SYNE1: variants seen among roughly 807,000 people sequenced by gnomAD.
SYNE1 encodes the protein spectrin repeat containing nuclear envelope protein 1.
In SYNE1, 616 loss-of-function variants were observed where a neutral mutation model predicts 1,111.0. The observed-to-expected ratio is 0.55, with a 90% CI of 0.52 to 0.59. The LOEUF (loss-of-function observed/expected upper bound fraction) is 0.59, where lower values mean the gene tolerates loss of function less well. Among genes scored for constraint, SYNE1 ranks in the 20% least tolerant of loss-of-function variants. The pLI, the probability that SYNE1 is intolerant of heterozygous loss-of-function variation, is 0.00. For synonymous variants in SYNE1, 3,855 were observed against 3,825.8 expected (o/e 1.01, Z -0.28); for missense variants, 10,006 against 10,417.0 (o/e 0.96, Z 1.72).
chr6:152,628,044 C>CAAAAAAAAAAAAAA lies in SYNE1; in HGVS notation c.67+207_67+220dup, dbSNP rs66815986. Among the ~76,000 whole-genome samples the CAAAAAAAAAAAAAA allele has an allele frequency of 3.3e-4, 34 of 103,328 alleles. 1 individual carries two copies. The highest frequency in any genetic ancestry group is 6.2e-4 in the East Asian group (2 of 3,248). 67.8% of individuals were successfully genotyped at this position (103,328 alleles called of 152,430 possible). A position where few individuals can be genotyped will look rare whatever the true frequency, so the allele number is the denominator to read the frequency against. On this transcript the variant is annotated intron_variant, in intron 3 of 145. Transcript: ENST00000367255. ...ACATGCTAATGCAGACACAAAATTACAAAAAAAAAAAAAAAAGCTGTATTT... is the reference window on the plus strand; with the variant it reads ...ACATGCTAATGCAGACACAAAATTACAAAAAAAAAAAAAAAAAAAAAAAAAAAAAAGCTGTATTT...
chr6:152,631,897 C>T (rs1290203692), intron 2 of SYNE1, among the ~76,000 whole-genome samples: 1 of 152,128 alleles, frequency 6.6e-6, no homozygotes, highest in Non-Finnish European at 1.5e-5. Context: ...TGGAACAACT[C>T]AGGAGCAATT....
At chr6:152,375,587 A>G (rs1312891243) in intron 58 of SYNE1, among the ~76,000 whole-genome samples, 3 of 152,234 alleles carry the variant, frequency 2.0e-5, no homozygotes, top group Non-Finnish European at 4.4e-5. Context: ...TAGGTTAAAA[A>G]AAAAGACTAG....
chr6:152,408,746 G>C (rs138263452), intron 44 of SYNE1, among the ~76,000 whole-genome samples: 7 of 152,272 alleles, frequency 4.6e-5, no homozygotes, highest in Admixed American at 4.6e-4. Context: ...CTGAGATCAG[G>C]AGTTCGAGAC....
At chr6:152,571,190 A>C (rs1472874186) in intron 3 of SYNE1, among the ~76,000 whole-genome samples, 1 of 152,204 alleles carries the variant, frequency 6.6e-6, no homozygotes, top group Non-Finnish European at 1.5e-5. Context: ...GGTTTCTTTT[A>C]ACCCAATGGA....
intron 119 of SYNE1, among the ~76,000 whole-genome samples, chr6:152,220,177 T>C (rs1245325712): frequency 1.3e-5 from 2 of 152,234 alleles, no homozygotes; most frequent in Non-Finnish European, 2.9e-5. Context: ...TTACATAGTT[T>C]TTATAGCTTG....
chr6:152,238,864 T>A (rs1012477255), intron 108 of SYNE1, among the ~76,000 whole-genome samples: 29 of 151,990 alleles, frequency 1.9e-4, no homozygotes, highest in African/African-American at 6.5e-4. Context: ...GCAACCGCAT[T>A]TGGGACAGAA....
At chr6:152,201,700 A>C (rs2075486210) in intron 127 of SYNE1, 124 bp downstream of exon 127, 1 of 1,438,266 alleles carries the variant, frequency 7.0e-7, no homozygotes, top group East Asian at 2.3e-5. Flanking sequence ...GCCTGTCCTT[A>C]TGTCATATAC....
chr6:152,218,823 G>C (rs2079382591), intron 120 of SYNE1, among the ~76,000 whole-genome samples, 180 bp downstream of exon 120: 3 of 136,608 alleles, frequency 2.2e-5, no homozygotes. Flanking sequence ...CCTTGGCAGA[G>C]AACAGCGCAA....
chr6:152,567,171 C>G (rs777349803), intron 3 of SYNE1, among the ~76,000 whole-genome samples: 21 of 152,064 alleles, frequency 1.4e-4, no homozygotes, highest in Admixed American at 2.0e-4. Flanking sequence ...CAGTATTTTT[C>G]ACTTAGCGCA....
intron 107 of SYNE1, among the ~76,000 whole-genome samples, chr6:152,241,807 C>G (rs918277448): frequency 2.6e-5 from 4 of 151,986 alleles, no homozygotes; most frequent in African/African-American, 7.3e-5. Flanking sequence ...GAGTCCTTGA[C>G]GAGGACAAGG....
rs529642638 is a variant in SYNE1 at position 152,201,883 on chromosome 6, G to T, written c.23086C>A (p.Leu7696Ile). ...LEKLRTFKKK[L>I]SQSLPDHHEE... is the part of the protein sequence containing the mutation. ...TGGTGATCCGGGAGAGACTGCGAAA[G>T]CTTCTTTTTGAAAGTTCGTAGTTTC... The change falls in exon 127 of 146, where the codon CTT becomes ATT. Residue 7696 changes from leucine (L) to isoleucine (I), a missense_variant. Transcript: ENST00000367255. 9 of 1,613,912 alleles carry T rather than the reference G, an allele frequency of 5.6e-6. No individual in the cohort carries two copies. The East Asian group carries it at 1.8e-4, about 32-fold the overall frequency.
intron 10 of SYNE1, among the ~76,000 whole-genome samples, chr6:152,500,241 A>G (rs1303622840): frequency 6.6e-6 from 1 of 152,214 alleles, no homozygotes; most frequent in Non-Finnish European, 1.5e-5. Flanking sequence ...TTTCTTATTC[A>G]CACAGCAATA....
chr6:152,297,822 T>C (rs201143649), intron 93 of SYNE1, among the ~76,000 whole-genome samples: 1,022 of 49,850 alleles, frequency 0.021, 14 homozygotes, highest in East Asian at 0.14. Context: ...TGTGTGTGTG[T>C]GCGCGCGCAC....
chr6:152,427,899 A>G, intron 37 of SYNE1, 83 bp from the exon 38 acceptor site: 1 of 1,586,616 alleles, frequency 6.3e-7, no homozygotes, highest in South Asian at 1.1e-5. Context: ...GGAGGGTCCA[A>G]CACAAACCAT....
intron 82 of SYNE1, 112 bp from the exon 83 acceptor site, chr6:152,321,998 G>T: frequency 8.8e-7 from 1 of 1,129,990 alleles, no homozygotes; most frequent in Non-Finnish European, 1.3e-6. Flanking sequence ...TATCTTTTTT[G>T]AAAGAAAAGA....
intron 53 of SYNE1, among the ~76,000 whole-genome samples, chr6:152,387,707 A>T (rs2097546286): frequency 6.6e-6 from 1 of 152,226 alleles, no homozygotes; most frequent in Admixed American, 6.5e-5. Flanking sequence ...TCAGCATGGG[A>T]ACATCAATGA....
chr6:152,492,889 C>G (rs2098978848), intron 11 of SYNE1, among the ~76,000 whole-genome samples: 1 of 152,070 alleles, frequency 6.6e-6, no homozygotes, highest in Admixed American at 6.6e-5. Context: ...CTTTAAAACT[C>G]CCCCACTCTG....
At chr6:152,278,501 C>T (rs556705187) in intron 97 of SYNE1, among the ~76,000 whole-genome samples, 17 of 151,942 alleles carry the variant, frequency 1.1e-4, no homozygotes, top group African/African-American at 2.7e-4. Flanking sequence ...CTCACTCTGT[C>T]GCCCAGGCTG....
intron 12 of SYNE1, among the ~76,000 whole-genome samples, chr6:152,485,358 A>T (rs2098933637): frequency 6.6e-6 from 1 of 152,218 alleles, no homozygotes; most frequent in South Asian, 2.1e-4. Flanking sequence ...CAGGAGTATA[A>T]ATCTTAGCTA....
Sources: gnomAD v4.1 joint callset for allele counts (sites outside exome capture counted in the v4.1 genomes callset) on GRCh38, gnomAD v4.1.1 for gene constraint, MANE v1.5 for transcripts, NCBI Gene and HGNC (gene_info 2026-07-23, HGNC 2026-07-21) for gene names.